Variants in SZT2 observed in about 807,000 individuals in gnomAD.
SZT2 encodes SZT2 subunit of KICSTOR complex.
A neutral mutation model predicts 404.2 loss-of-function variants in SZT2; 216 were observed. The observed-to-expected ratio is 0.53, with a 90% confidence interval of 0.48 to 0.60. The LOEUF is 0.60. Among genes scored for constraint, SZT2 ranks in the 20% least tolerant of loss-of-function variants. SZT2 has a pLI of 0.00. For synonymous variants in SZT2, 1,693 were observed against 1,749.9 expected, an observed-to-expected ratio of 0.97 and a Z score of 0.81; for missense variants, 3,857 against 4,459.2, an observed-to-expected ratio of 0.86 and a Z score of 3.85.
In SZT2 at chr1:43,423,231, C is replaced by T. The variant is rs752789547; in HGVS notation, c.2170C>T (p.Pro724Ser). ...AGGGSSPSKS[P>S]PVLGPQQALS... ...TGGGGGCAGCTCTCCCTCCAAGTCACCCCCCGTGCTGGGGCCACAGCAGGC... is the reference window on the plus strand; with the variant it reads ...TGGGGGCAGCTCTCCCTCCAAGTCATCCCCCGTGCTGGGGCCACAGCAGGC... The change falls in exon 15 of 72, where the codon CCC becomes TCC. Residue 724 changes from proline to serine, a missense_variant. Pro to Ser is a moderately conservative substitution (Grantham distance 74). Around this residue, in one of 7 missense-constraint regions of SZT2, gnomAD observed 1,725 missense variants for 1,881.0 expected, o/e 0.92. Transcript: ENST00000634258. The T allele has an allele frequency of 5.0e-6, 8 of 1,593,190 alleles. No individual in the cohort carries two copies. Among genetic ancestry groups the T allele is most frequent in the African/African-American group, 4.0e-5 (3 of 74,866 alleles).
Position 43,431,345 on chromosome 1 carries a change from C to G in SZT2, c.4997C>G (p.Pro1666Arg). Residue 1666 changes from proline to arginine, a missense_variant, in exon 34 of 72, where the codon CCC becomes CGC. By Grantham distance (103) the Pro-to-Arg change is moderately radical. Transcript: ENST00000634258. ...TTAAGGTCAGATGATGGCCTCGGGC[C>G]CCCACTGCCACCCCCAGAAGAGGAG... Reference protein sequence around the residue: ...SSLRSDDGLGPPLPPPEEERH... With the variant: ...SSLRSDDGLGRPLPPPEEERH... 6.2e-7 allele frequency: 1 copy of G among 1,612,642 alleles called. No homozygotes were observed. Among genetic ancestry groups the G allele is most frequent in the Non-Finnish European group, 8.5e-7 (1 of 1,178,906 alleles).
In SZT2 at chr1:43,429,327, G is replaced by C. The variant is rs528831310; in HGVS notation, c.4167-376G>C. The stretch of plus-strand genomic sequence containing the variant: ...GCGGGAGGATCACTTGAGCCCAGGA[G>C]TTCAAGACCAGCCTGAGCAACCAGG... On this transcript the variant is annotated intron_variant, in intron 28 of 71. Coordinates refer to ENST00000634258, the MANE Select transcript of SZT2 (RefSeq NM_001365999.1). 2.6e-4 allele frequency: 52 copies of C among 203,324 alleles called. No individual in the cohort carries two copies. The South Asian group carries it at 4.6e-3, about 18-fold the overall frequency. 12.6% of individuals were successfully genotyped at this position (203,324 alleles called of 1,614,324 possible).
chr1:43,432,837 T>C (rs1434385356), intron 39 of SZT2, 38 bp downstream of exon 39: 4 of 1,608,578 alleles, frequency 2.5e-6, no homozygotes, highest in Admixed American at 3.3e-5. Context: ...TCTAAGCTGA[T>C]GGGAGGTGGG....
Position 43,410,934 on chromosome 1 carries a change from T to C in SZT2, c.499-4148T>C, listed in dbSNP as rs7410813. 7.1e-3 allele frequency among the ~76,000 whole-genome samples: 1,080 copies of C among 152,176 alleles called. 10 individuals carry two copies. The highest frequency in any genetic ancestry group is 0.025 in the African/African-American group (1,025 of 41,518). ...GGGGGGGATCTTGATAGCACTGAGT[T>C]GCTGGATCCTGTGCTGCCCTGCCTG... On this transcript the variant is annotated intron_variant, in intron 4 of 71. Coordinates refer to ENST00000634258, the MANE Select transcript of SZT2 (RefSeq NM_001365999.1).
At position 43,447,064 on chromosome 1, in the gene SZT2, C is replaced by A; in HGVS notation, c.9182C>A (p.Ala3061Asp). Residue 3061 changes from alanine to aspartate, a missense_variant, in exon 66 of 72, where the codon GCC becomes GAC. Around this residue, in one of 7 missense-constraint regions of SZT2, gnomAD observed 717 missense variants for 868.2 expected, o/e 0.83. Transcript: ENST00000634258. ...LRLVHQHVLG[A>D]HLVLRHGYHL... ...CTCGTGCATCAGCACGTGCTAGGTGCCCATCTGGTGCTGCGGCACGGCTAC... is the reference window on the plus strand; with the variant it reads ...CTCGTGCATCAGCACGTGCTAGGTGACCATCTGGTGCTGCGGCACGGCTAC... 1 of 1,613,940 alleles carries A rather than the reference C, an allele frequency of 6.2e-7. No homozygotes were observed. Among genetic ancestry groups the A allele is most frequent in the Non-Finnish European group, 8.5e-7 (1 of 1,180,010 alleles).
intron 1 of SZT2, among the ~76,000 whole-genome samples, chr1:43,395,147 G>T (rs563673347): frequency 6.6e-6 from 1 of 152,276 alleles, no homozygotes; most frequent in African/African-American, 2.4e-5. Flanking sequence ...ACTGGTAATT[G>T]GAAGAAAGCT....
intron 40 of SZT2, 98 bp downstream of exon 40, chr1:43,433,288 G>A (rs1654119767): frequency 3.0e-6 from 4 of 1,345,758 alleles, no homozygotes; most frequent in Non-Finnish European, 4.1e-6. Context: ...GTAAGACTTG[G>A]GACTGAGAGC....
In SZT2 at chr1:43,451,768, C is replaced by T; in HGVS notation, c.*1288C>T. 6.2e-7 allele frequency: 1 copy of T among 1,614,036 alleles called. No homozygotes were observed. The highest frequency in any genetic ancestry group is 8.5e-7 in the Non-Finnish European group (1 of 1,179,918). Reference sequence around the variant, plus strand: ...AGACCCCGCAGGCCCCGCCCTCCTTCCGATCTGCGAAGTACCCCCTTCCAC... The same window carrying T: ...AGACCCCGCAGGCCCCGCCCTCCTTTCGATCTGCGAAGTACCCCCTTCCAC... On this transcript the variant is annotated 3_prime_UTR_variant, in exon 72 of 72. Coordinates refer to ENST00000634258, the MANE Select transcript of SZT2 (RefSeq NM_001365999.1).
At chr1:43,412,603 T>C (rs1305004695) in intron 4 of SZT2, 1 of 152,124 alleles carries the variant, frequency 6.6e-6, no homozygotes, top group Non-Finnish European at 1.5e-5. Flanking sequence ...TTATTGATAA[T>C]ACCCTGCAAG....
rs377083750 is a variant in SZT2 at position 43,424,175 on chromosome 1, C to T, written c.2256-42C>T. The T allele has an allele frequency of 2.2e-5, 34 of 1,554,108 alleles. No individual in the cohort carries two copies. The highest frequency in any genetic ancestry group is 9.5e-5 in the African/African-American group (7 of 73,994). On this transcript the variant is annotated intron_variant, in intron 15 of 71. Transcript: ENST00000634258. The surrounding 1 kb of genome is among the most constrained non-coding windows in gnomAD (Gnocchi z 4.1). Reference sequence around the variant, plus strand: ...GAGGTGTGGAAGGGCGTGGCTTAGCCGGGGATGAGAGAGATAGCTGGGGAG... The same window carrying T: ...GAGGTGTGGAAGGGCGTGGCTTAGCTGGGGATGAGAGAGATAGCTGGGGAG...
intron 39 of SZT2, 33 bp from the exon 40 acceptor site, chr1:43,432,956 G>C (rs369658510): frequency 1.9e-6 from 3 of 1,610,592 alleles, no homozygotes; most frequent in Non-Finnish European, 2.5e-6. Context: ...GCCCAGCTTC[G>C]GATGGGATTG....
intron 1 of SZT2, among the ~76,000 whole-genome samples, chr1:43,396,739 T>C (rs1169142890): frequency 6.6e-6 from 1 of 152,224 alleles, no homozygotes. Flanking sequence ...CACTGTTCTT[T>C]CTAAAACAAA....
At chr1:43,393,012 G>A (rs1648588968) in intron 1 of SZT2, among the ~76,000 whole-genome samples, 1 of 152,204 alleles carries the variant, frequency 6.6e-6, no homozygotes, top group Non-Finnish European at 1.5e-5. Flanking sequence ...ATTGAATTAG[G>A]ATAATAAGTG....
rs1269789364 is a variant in SZT2 at position 43,447,921 on chromosome 1, C to T, written c.9513C>T (p.His3171=). Residue 3171 remains histidine (H), a synonymous_variant, in exon 68 of 72, where the codon CAC becomes CAT. Coordinates refer to ENST00000634258, the MANE Select transcript of SZT2 (RefSeq NM_001365999.1). The stretch of plus-strand genomic sequence containing the variant: ...TTGATGTGTCTCTGCTTGTCTGTCA[C>T]TGTGCTGCACCCTTTGAGGAGCAAG... ...DDFDVSLLVC[H]CAAPFEEQGE... 1.2e-6 allele frequency: 2 copies of T among 1,614,134 alleles called. No individual in the cohort carries two copies. The highest frequency in any genetic ancestry group is 2.2e-5 in the South Asian group (2 of 91,080).
intron 1 of SZT2, among the ~76,000 whole-genome samples, chr1:43,394,807 A>T (rs1206807280): frequency 6.6e-6 from 1 of 150,794 alleles, no homozygotes; most frequent in African/African-American, 2.4e-5. Context: ...TAAATCCAGG[A>T]GGTGGAGGTT....
At chr1:43,405,546 C>T (rs1398088215) in intron 4 of SZT2, 1 of 152,208 alleles carries the variant, frequency 6.6e-6, no homozygotes, top group Non-Finnish European at 1.5e-5. Context: ...CTGAAACTGT[C>T]CGTGATGGCT....
In SZT2 at chr1:43,450,736, C is replaced by A; in HGVS notation, c.*256C>A. On this transcript the variant is annotated 3_prime_UTR_variant, in exon 72 of 72. Coordinates refer to ENST00000634258, the MANE Select transcript of SZT2 (RefSeq NM_001365999.1). This position sits in a 1 kb window ranked among gnomAD's most constrained non-coding sequence, Gnocchi z 4.3. ...AGGTCAACCCCGAGGACCCCTTGGG[C>A]CCTTCTGGGGTACTCCTTTCGGCCC... 1 of 698,468 alleles carries A rather than the reference C, an allele frequency of 1.4e-6. No homozygotes were observed. The highest frequency in any genetic ancestry group is 1.6e-5 in the South Asian group (1 of 62,438). The allele number at this position is 698,468 out of a possible 1,614,324, so 43.3% of individuals were successfully genotyped here. A position where few individuals can be genotyped will look rare whatever the true frequency, so the allele number is the denominator to read the frequency against.
rs1038336091 is a variant in SZT2, at chr1:43,440,149, G to A, written c.7210+101G>A. 1.4e-5 allele frequency: 20 copies of A among 1,466,042 alleles called. 1 individual carries two copies. The highest frequency in any genetic ancestry group is 2.0e-5 in the Admixed American group (1 of 50,626). The allele number at this position is 1,466,042 out of a possible 1,614,324, so 90.8% of individuals were successfully genotyped here. On this transcript the variant is annotated intron_variant, in intron 51 of 71. Transcript: ENST00000634258. ...CAAAGGTGGGGTTTAGGGGAAGCAT[G>A]TCAGAGAACTACTACATCAGAACCA... is the stretch of plus-strand genomic sequence containing the variant.
chr1:43,453,434 T>A lies in SZT2; in HGVS notation c.*2954T>A, dbSNP rs1212578801. The A allele has an allele frequency of 3.2e-6, 5 of 1,562,708 alleles. No homozygotes were observed. The highest frequency in any genetic ancestry group is 3.5e-6 in the Non-Finnish European group (4 of 1,152,624). On this transcript the variant is annotated 3_prime_UTR_variant, in exon 72 of 72. Coordinates refer to ENST00000634258, the MANE Select transcript of SZT2 (RefSeq NM_001365999.1). ...ATACCGCACGGCCTGCTCCAGTCCC[T>A]CTCGGAAGGCCGCCTGTCTCCCGGG...
Sources: gnomAD v4.1 joint callset for allele counts (sites outside exome capture counted in the v4.1 genomes callset) on GRCh38, gnomAD v4.1.1 for gene constraint, gnomAD v4.1.1 regional missense constraint, Gnocchi (gnomAD v3.1) non-coding constraint, MANE v1.5 for transcripts, NCBI Gene and HGNC (gene_info 2026-07-23, HGNC 2026-07-21) for gene names.